The following SLX4IP variants were observed in gnomAD, a reference collection of about 807,000 sequenced individuals.
SLX4IP encodes the protein SLX4 interacting protein.
A neutral mutation model predicts 32.9 loss-of-function variants in SLX4IP; 34 were observed. That is an observed-to-expected ratio of 1.03 (90% CI 0.79 to 1.38). The LOEUF is 1.38. Ranked by LOEUF, SLX4IP falls within the 40% of genes most tolerant of loss-of-function variation. The pLI, the probability that SLX4IP is intolerant of heterozygous loss-of-function variation, is 0.00. For synonymous variants in SLX4IP, 172 were observed against 171.7 expected (o/e 1.00, Z -0.01); for missense variants, 444 against 479.0 (o/e 0.93, Z 0.68).
intron 2 of SLX4IP, among the ~76,000 whole-genome samples, chr20:10,516,917 A>C (rs1048711815): frequency 1.3e-5 from 2 of 152,212 alleles, no homozygotes; most frequent in Non-Finnish European, 2.9e-5. Context: ...TGCTTCTCAG[A>C]GAGGTCTCCT....
intron 4 of SLX4IP, among the ~76,000 whole-genome samples, chr20:10,583,843 A>G (rs1332037332): frequency 1.3e-5 from 2 of 152,244 alleles, no homozygotes. Flanking sequence ...GCAAAACAAA[A>G]TTTAAAAGAC....
At chr20:10,608,968 T>G (rs1023573530) in intron 6 of SLX4IP, among the ~76,000 whole-genome samples, 1 of 150,550 alleles carries the variant, frequency 6.6e-6, no homozygotes, top group African/African-American at 2.4e-5. Context: ...TACCAAAGAG[T>G]TAAGTGATAA....
intron 2 of SLX4IP, among the ~76,000 whole-genome samples, chr20:10,532,322 A>G (rs568642109): frequency 2.0e-5 from 3 of 152,312 alleles, no homozygotes; most frequent in African/African-American, 4.8e-5. Context: ...TATACATACA[A>G]CATCACATTG....
At chr20:10,547,896 C>T (rs1010942983) in intron 2 of SLX4IP, among the ~76,000 whole-genome samples, 2 of 152,204 alleles carry the variant, frequency 1.3e-5, no homozygotes, top group African/African-American at 4.8e-5. Context: ...TCCACAAAGG[C>T]CACCTGGTGG....
intron 6 of SLX4IP, among the ~76,000 whole-genome samples, chr20:10,619,971 A>G (rs2067088254): frequency 6.6e-6 from 1 of 152,238 alleles, no homozygotes; most frequent in Non-Finnish European, 1.5e-5. Flanking sequence ...ACACTGGCCC[A>G]GGTCTGAGAT....
chr20:10,458,624 G>A (rs1453219541), intron 2 of SLX4IP, among the ~76,000 whole-genome samples: 1 of 151,878 alleles, frequency 6.6e-6, no homozygotes, highest in African/African-American at 2.4e-5. Flanking sequence ...TTGGTTTTCT[G>A]TTCTTGCATT....
chr20:10,609,838 A>C (rs2066946126), intron 6 of SLX4IP, among the ~76,000 whole-genome samples: 1 of 152,038 alleles, frequency 6.6e-6, no homozygotes, highest in Non-Finnish European at 1.5e-5. Flanking sequence ...TCTGCCTTGG[A>C]TAATTCCTAG....
intron 2 of SLX4IP, among the ~76,000 whole-genome samples, chr20:10,481,673 T>G (rs755662156): frequency 4.3e-4 from 66 of 152,180 alleles, no homozygotes; most frequent in Admixed American, 1.6e-3. Context: ...GTTACCTATT[T>G]CTGGTCACCA....
At chr20:10,588,910 G>GT (rs2066675893) in intron 4 of SLX4IP, among the ~76,000 whole-genome samples, 1 of 152,114 alleles carries the variant, frequency 6.6e-6, no homozygotes, top group Non-Finnish European at 1.5e-5. Flanking sequence ...TTGAAATTTG[G>GT]TAAGAGAGAT....
intron 2 of SLX4IP, 39 bp downstream of exon 2, chr20:10,458,270 C>A: frequency 2.0e-6 from 3 of 1,523,180 alleles, no homozygotes; most frequent in South Asian, 2.5e-5. Context: ...AGAGGCTAAT[C>A]ACTTTCTAAT....
chr20:10,464,772 AC>A (rs1337182129), intron 2 of SLX4IP, among the ~76,000 whole-genome samples: 3 of 110,296 alleles, frequency 2.7e-5, no homozygotes, highest in Non-Finnish European at 4.6e-5. Context: ...GCATATGAAT[AC>A]TTTTTTTTTG....
intron 4 of SLX4IP, among the ~76,000 whole-genome samples, chr20:10,563,385 C>T (rs367795756): frequency 4.6e-5 from 7 of 152,264 alleles, no homozygotes; most frequent in African/African-American, 1.7e-4. Context: ...GTTTCCTTTG[C>T]TGTATAGAAG....
chr20:10,542,677 T>C (rs2066119906), intron 2 of SLX4IP, among the ~76,000 whole-genome samples: 3 of 152,374 alleles, frequency 2.0e-5, no homozygotes, highest in South Asian at 4.1e-4. Context: ...CTCTGCTGCC[T>C]GCTCACAGCA....
intron 1 of SLX4IP, among the ~76,000 whole-genome samples, chr20:10,443,420 G>A (rs1229376786): frequency 6.6e-6 from 1 of 152,174 alleles, no homozygotes. Flanking sequence ...TGAGAGTAGA[G>A]GTGGTTCAGG....
At chr20:10,486,660 TG>T (rs2065576978) in intron 2 of SLX4IP, among the ~76,000 whole-genome samples, 5 of 152,142 alleles carry the variant, frequency 3.3e-5, no homozygotes, top group Non-Finnish European at 7.4e-5. Flanking sequence ...TAAAATAGCT[TG>T]TTATTGTTTA....
At chr20:10,598,353 T>G (rs961624548) in intron 4 of SLX4IP, among the ~76,000 whole-genome samples, 4 of 152,180 alleles carry the variant, frequency 2.6e-5, no homozygotes, top group African/African-American at 9.7e-5. Context: ...AACCTCCACT[T>G]CCCAGGTTCA....
chr20:10,460,197 T>A (rs959811798), intron 2 of SLX4IP, among the ~76,000 whole-genome samples: 1 of 152,244 alleles, frequency 6.6e-6, no homozygotes, highest in African/African-American at 2.4e-5. Context: ...GAATTCTAGG[T>A]TGAGCATTAT....
At chr20:10,558,507 T>C (rs925120022) in intron 3 of SLX4IP, among the ~76,000 whole-genome samples, 2 of 152,292 alleles carry the variant, frequency 1.3e-5, no homozygotes, top group East Asian at 3.9e-4. Context: ...CTCTCATGAT[T>C]GGGATTTTAT....
intron 6 of SLX4IP, among the ~76,000 whole-genome samples, chr20:10,616,162 T>A (rs192953862): frequency 6.6e-6 from 1 of 152,230 alleles, no homozygotes; most frequent in East Asian, 1.9e-4. Flanking sequence ...CTTCTCTTTC[T>A]CCCACTCTCT....
Sources: allele counts gnomAD v4.1 joint callset (sites outside exome capture counted in the v4.1 genomes callset), GRCh38; gene constraint gnomAD v4.1.1; transcripts MANE v1.5; gene names NCBI Gene and HGNC (gene_info 2026-07-23, HGNC 2026-07-21).